The following CDH9 variants were observed in gnomAD, a reference collection of about 807,000 sequenced individuals.
CDH9 encodes the protein cadherin 9, also known as cadherin-9.
Under a neutral mutation model 70.9 loss-of-function variants are expected in CDH9, and 28 were observed. The ratio of observed to expected loss-of-function variants is 0.40; its 90% CI spans 0.29 to 0.54. CDH9 has a LOEUF of 0.54. Among genes scored for constraint, CDH9 ranks in the 20% least tolerant of loss-of-function variants. CDH9 has a pLI of 0.59. For missense variants in CDH9, 874 were observed against 984.4 expected, an observed-to-expected ratio of 0.89 and a Z score of 1.50; for synonymous variants, 409 against 343.1, an observed-to-expected ratio of 1.19 and a Z score of -2.12.
intron 1 of CDH9, among the ~76,000 whole-genome samples, chr5:26,996,443 T>C (rs934738454): frequency 7.9e-5 from 12 of 152,038 alleles, no homozygotes; most frequent in African/African-American, 2.9e-4. Flanking sequence ...GTTTGATTCC[T>C]AGATTCCTGT....
intron 1 of CDH9, among the ~76,000 whole-genome samples, chr5:27,023,710 A>T (rs920032571): frequency 4.6e-5 from 7 of 152,020 alleles, no homozygotes; most frequent in African/African-American, 1.4e-4. Context: ...TAAAGTTCTT[A>T]TATCCAACAG....
chr5:26,952,634 CAAAAAAAAA>C (rs35876875), intron 2 of CDH9, among the ~76,000 whole-genome samples: 1,752 of 57,852 alleles, frequency 0.03, 51 homozygotes, highest in African/African-American at 0.11. Context: ...GACTCCGTCT[CAAAAAAAAA>C]AAAAAAAAAA....
chr5:26,983,946 A>G (rs1478439791), intron 2 of CDH9, among the ~76,000 whole-genome samples: 2 of 152,122 alleles, frequency 1.3e-5, no homozygotes, highest in Non-Finnish European at 2.9e-5. Context: ...TTAGTGCACA[A>G]ACTAGCATAT....
At chr5:26,940,080 G>A (rs1371681178) in intron 2 of CDH9, among the ~76,000 whole-genome samples, 1 of 151,300 alleles carries the variant, frequency 6.6e-6, no homozygotes, top group African/African-American at 2.4e-5. Flanking sequence ...ACTGAGGCAG[G>A]AGAACCCAGG....
At chr5:26,967,540 T>A (rs1179515951) in intron 2 of CDH9, among the ~76,000 whole-genome samples, 2 of 152,208 alleles carry the variant, frequency 1.3e-5, no homozygotes, top group African/African-American at 4.8e-5. Context: ...ATGAATGTAT[T>A]CACTTATTAA....
chr5:26,960,292 T>C, intron 2 of CDH9, among the ~76,000 whole-genome samples: 1 of 152,112 alleles, frequency 6.6e-6, no homozygotes, highest in East Asian at 1.9e-4. Context: ...AATTCCATAA[T>C]CTAAAAATTA....
At chr5:26,966,856 T>C (rs888873621) in intron 2 of CDH9, among the ~76,000 whole-genome samples, 6 of 152,180 alleles carry the variant, frequency 3.9e-5, no homozygotes, top group African/African-American at 1.4e-4. Context: ...GTCTATCTTC[T>C]ATTGACTTGT....
At chr5:26,996,579 A>C (rs1434443543) in intron 1 of CDH9, among the ~76,000 whole-genome samples, 1 of 152,098 alleles carries the variant, frequency 6.6e-6, no homozygotes, top group South Asian at 2.1e-4. Context: ...AAAATGATGT[A>C]TCTTCTAAAA....
At chr5:27,033,099 T>C (rs1743336461) in intron 1 of CDH9, among the ~76,000 whole-genome samples, 1 of 151,252 alleles carries the variant, frequency 6.6e-6, no homozygotes, top group South Asian at 2.1e-4. Flanking sequence ...AAAATTCTAA[T>C]TTTTCCTATT....
intron 2 of CDH9, among the ~76,000 whole-genome samples, chr5:26,951,296 A>C (rs1269803804): frequency 6.9e-6 from 1 of 144,336 alleles, no homozygotes; most frequent in East Asian, 2.0e-4. Context: ...TGTCTCAAAA[A>C]AAAAAAAAAA....
At chr5:26,940,901 G>A (rs1741651335) in intron 2 of CDH9, among the ~76,000 whole-genome samples, 1 of 152,202 alleles carries the variant, frequency 6.6e-6, no homozygotes, top group Non-Finnish European at 1.5e-5. Context: ...GAGAGAGGCA[G>A]TATTTTCTAC....
At chr5:26,921,021 G>A (rs1741234868) in intron 2 of CDH9, among the ~76,000 whole-genome samples, 2 of 152,142 alleles carry the variant, frequency 1.3e-5, no homozygotes, top group Non-Finnish European at 2.9e-5. Context: ...GAACTAAATA[G>A]GGCACCAGGT....
intron 1 of CDH9, among the ~76,000 whole-genome samples, chr5:27,017,518 G>A (rs530362177): frequency 6.6e-6 from 1 of 152,070 alleles, no homozygotes; most frequent in Admixed American, 6.6e-5. Flanking sequence ...CCACATTTAA[G>A]TAGGTGAAAA....
intron 11 of CDH9, among the ~76,000 whole-genome samples, chr5:26,883,094 T>TATAA (rs1740500290): frequency 4.0e-5 from 4 of 100,354 alleles, no homozygotes; most frequent in African/African-American, 1.2e-4. Context: ...TATATATATA[T>TATAA]AAAACTGCAG....
chr5:26,895,367 A>T (rs922768858), intron 7 of CDH9, among the ~76,000 whole-genome samples: 4 of 152,052 alleles, frequency 2.6e-5, no homozygotes, highest in African/African-American at 7.2e-5. Flanking sequence ...TACCTTTTGC[A>T]ATAAAATCAA....
chr5:26,892,001 G>C (rs1740668423), intron 7 of CDH9, among the ~76,000 whole-genome samples: 1 of 152,008 alleles, frequency 6.6e-6, no homozygotes, highest in African/African-American at 2.4e-5. Context: ...AAAGAAATAT[G>C]GCCCTGTTCA....
At chr5:27,029,957 G>A (rs1743283300) in intron 1 of CDH9, among the ~76,000 whole-genome samples, 1 of 151,970 alleles carries the variant, frequency 6.6e-6, no homozygotes, top group African/African-American at 2.4e-5. Context: ...CCGAGGCCAA[G>A]CAGAAAGTAT....
At chr5:26,895,741 G>A (rs1740738490) in intron 7 of CDH9, among the ~76,000 whole-genome samples, 1 of 151,952 alleles carries the variant, frequency 6.6e-6, no homozygotes, top group African/African-American at 2.4e-5. Flanking sequence ...AAATATATTT[G>A]ATGAACAGAT....
At chr5:26,893,959 A>T (rs1485709965) in intron 7 of CDH9, among the ~76,000 whole-genome samples, 1 of 152,186 alleles carries the variant, frequency 6.6e-6, no homozygotes, top group Non-Finnish European at 1.5e-5. Flanking sequence ...AATCACTATT[A>T]TAAGGTTTTT....
Sources: allele counts gnomAD v4.1 joint callset (sites outside exome capture counted in the v4.1 genomes callset), GRCh38; gene constraint gnomAD v4.1.1; transcripts MANE v1.5; gene names NCBI Gene and HGNC (gene_info 2026-07-23, HGNC 2026-07-21).